DLGAP2: variants seen among roughly 807,000 people sequenced by gnomAD.
DLGAP2 encodes the protein disks large-associated protein 2.
A neutral mutation model predicts 100.3 loss-of-function variants in DLGAP2; 26 were observed. The observed-to-expected ratio is 0.26, with a 90% CI of 0.19 to 0.36. DLGAP2 has a LOEUF of 0.36. Among genes scored for constraint, DLGAP2 ranks in the 10% least tolerant of loss-of-function variants. The pLI is 1.00. For synonymous variants in DLGAP2, 886 were observed against 630.1 expected (o/e 1.41, Z -6.08); for missense variants, 1,858 against 1,453.2 (o/e 1.28, Z -4.53).
intron 3 of DLGAP2, among the ~76,000 whole-genome samples, chr8:1,458,697 T>C (rs1798388754): frequency 6.6e-6 from 1 of 152,212 alleles, no homozygotes; most frequent in South Asian, 2.1e-4. Flanking sequence ...CAGAGCAGCC[T>C]TCCCTGGGGA....
At chr8:1,674,520 T>C (rs1218652898) in intron 10 of DLGAP2, among the ~76,000 whole-genome samples, 1 of 152,274 alleles carries the variant, frequency 6.6e-6, no homozygotes, top group Non-Finnish European at 1.5e-5. Context: ...GCTGGATTCC[T>C]AGAAATAGAA....
At chr8:825,474 G>T (rs1200126676) in intron 1 of DLGAP2, among the ~76,000 whole-genome samples, 4 of 152,178 alleles carry the variant, frequency 2.6e-5, no homozygotes, top group African/African-American at 4.8e-5. Flanking sequence ...GCAGTCTTCA[G>T]CACCACCAAG....
intron 3 of DLGAP2, among the ~76,000 whole-genome samples, chr8:1,407,137 C>T (rs9693445): frequency 1.2e-4 from 3 of 24,854 alleles, no homozygotes; most frequent in Non-Finnish European, 6.6e-5. Context: ...TACTGAGCGC[C>T]ACCTCCTTGT....
chr8:1,455,539 C>G (rs1798288540), intron 3 of DLGAP2, among the ~76,000 whole-genome samples: 1 of 152,240 alleles, frequency 6.6e-6, no homozygotes, highest in African/African-American at 2.4e-5. Flanking sequence ...GTCAGTCCGC[C>G]TGACACACAG....
At chr8:1,375,130 C>T (rs62484164) in intron 3 of DLGAP2, among the ~76,000 whole-genome samples, 31,187 of 109,764 alleles carry the variant, frequency 0.28, 4,505 homozygotes, top group East Asian at 0.41. Context: ...GTTAACGACA[C>T]CTCTCCACGA....
rs534960595 is a variant in DLGAP2 at position 905,568 on chromosome 8, T to G, written c.19-2344T>G. On this transcript the variant is annotated intron_variant, in intron 1 of 14. Coordinates refer to ENST00000637795, the MANE Select transcript of DLGAP2 (RefSeq NM_001346810.2). ...GAGTCCAGGGATGAGGTCTGAGGTT[T>G]GCAGTTCTGTGGAGTGAGGGCCCTG... 2.6e-5 allele frequency among the ~76,000 whole-genome samples: 4 copies of G among 152,270 alleles called. No homozygotes were observed. The South Asian group carries it at 8.3e-4, about 32-fold the overall frequency.
At chr8:907,442 T>A (rs551313511) in intron 1 of DLGAP2, among the ~76,000 whole-genome samples, 17 of 152,366 alleles carry the variant, frequency 1.1e-4, no homozygotes, top group Admixed American at 1.0e-3. Context: ...TGAATGTAAA[T>A]ACAGCCCTTA....
intron 3 of DLGAP2, among the ~76,000 whole-genome samples, chr8:1,421,703 C>T (rs571947412): frequency 1.5e-4 from 23 of 152,302 alleles, no homozygotes; most frequent in Non-Finnish European, 2.5e-4. Context: ...CAGTGGCTCA[C>T]GCCTGTAATC....
At chr8:813,054 A>G (rs908632551) in intron 1 of DLGAP2, among the ~76,000 whole-genome samples, 5 of 152,226 alleles carry the variant, frequency 3.3e-5, no homozygotes, top group African/African-American at 1.2e-4. Context: ...ATACCCCGGT[A>G]TGCTTTGCTA....
rs190678712 is a variant in DLGAP2 at position 1,081,676 on chromosome 8, G to T, written c.73+173710G>T. On this transcript the variant is annotated intron_variant, in intron 2 of 14. Transcript: ENST00000637795. ...GTTTTGAGAAAAAATATTCAAGATT[G>T]TGTTCCTTTTCTTATTAATTCCATT... Among the ~76,000 whole-genome samples, 7 of 152,292 alleles carry T rather than the reference G, an allele frequency of 4.6e-5. No homozygotes were observed. The East Asian group carries it at 1.4e-3, about 29-fold the overall frequency.
chr8:1,107,684 C>T (rs954042628), intron 2 of DLGAP2, among the ~76,000 whole-genome samples: 3 of 152,226 alleles, frequency 2.0e-5, no homozygotes, highest in Non-Finnish European at 2.9e-5. Context: ...CTTCCCTGCT[C>T]TGTCCCAGCA....
intron 3 of DLGAP2, among the ~76,000 whole-genome samples, chr8:1,445,908 A>T (rs1242230680): frequency 6.6e-6 from 1 of 152,196 alleles, no homozygotes; most frequent in Non-Finnish European, 1.5e-5. Context: ...GTGTCTGTTC[A>T]TATCATTCAC....
intron 2 of DLGAP2, among the ~76,000 whole-genome samples, chr8:1,161,963 T>A (rs1159494220): frequency 6.6e-6 from 1 of 152,084 alleles, no homozygotes; most frequent in East Asian, 1.9e-4. Context: ...TGCGTCAGAG[T>A]CACCTGAGGG....
chr8:1,532,180 C>G (rs923812979), intron 4 of DLGAP2, among the ~76,000 whole-genome samples: 1 of 152,084 alleles, frequency 6.6e-6, no homozygotes, highest in African/African-American at 2.4e-5. Context: ...CAGTTCCCAG[C>G]CTGATTTTTC....
intron 6 of DLGAP2, among the ~76,000 whole-genome samples, chr8:1,582,962 A>G (rs981091279): frequency 1.3e-5 from 2 of 152,192 alleles, no homozygotes; most frequent in African/African-American, 2.4e-5. Context: ...TGGTGGCTGC[A>G]TGACCGTGCA....
rs532712348 is a variant in DLGAP2, at chr8:850,163, A to T, written c.19-57749A>T. ...GTCCCCTGTCAGATGTGACATTTGCAGATATATCTCCCCCACCTTTGCGTT... is the reference window on the plus strand; with the variant it reads ...GTCCCCTGTCAGATGTGACATTTGCTGATATATCTCCCCCACCTTTGCGTT... On this transcript the variant is annotated intron_variant, in intron 1 of 14. Transcript: ENST00000637795. Among the ~76,000 whole-genome samples, 7 of 151,930 alleles carry T rather than the reference A, an allele frequency of 4.6e-5. No homozygotes were observed. In the East Asian group the frequency reaches 1.4e-3, roughly 29 times the overall value.
chr8:1,543,037 C>T (rs1389284979), intron 4 of DLGAP2, among the ~76,000 whole-genome samples: 3 of 152,092 alleles, frequency 2.0e-5, no homozygotes, highest in Non-Finnish European at 4.4e-5. Flanking sequence ...GCTCCTATGC[C>T]CATTATTATT....
At chr8:775,080 G>A (rs1821478290) in intron 1 of DLGAP2, among the ~76,000 whole-genome samples, 1 of 152,236 alleles carries the variant, frequency 6.6e-6, no homozygotes, top group Middle Eastern at 3.4e-3. Flanking sequence ...TTGTAAGTTG[G>A]ATTCCTAGGT....
chr8:1,427,607 G>A (rs1182724340), intron 3 of DLGAP2, among the ~76,000 whole-genome samples: 1 of 152,206 alleles, frequency 6.6e-6, no homozygotes, highest in East Asian at 1.9e-4. Flanking sequence ...GTTGGGAGGT[G>A]ATTGAATTTT....
Sources: allele counts gnomAD v4.1 joint callset (sites outside exome capture counted in the v4.1 genomes callset), GRCh38; gene constraint gnomAD v4.1.1; transcripts MANE v1.5; gene names NCBI Gene and HGNC (gene_info 2026-07-23, HGNC 2026-07-21).